ROBO1: variants seen among roughly 807,000 people sequenced by gnomAD.
ROBO1 encodes the protein roundabout homolog 1.
Under a neutral mutation model 195.9 loss-of-function variants are expected in ROBO1, and 149 were observed. That is an observed-to-expected ratio of 0.76 (90% CI 0.67 to 0.87). ROBO1 has a LOEUF of 0.87. Among genes scored for constraint, ROBO1 ranks in the 40% least tolerant of loss-of-function variants. The pLI is 0.00. For synonymous variants in ROBO1, 816 were observed against 733.2 expected, an observed-to-expected ratio of 1.11 and a Z score of -1.82; for missense variants, 1,933 against 2,068.3, an observed-to-expected ratio of 0.93 and a Z score of 1.27.
intron 4 of ROBO1, among the ~76,000 whole-genome samples, chr3:78,928,114 CTAAA>C (rs1419789455): frequency 6.6e-6 from 1 of 152,114 alleles, no homozygotes. Context: ...CACACAGAGA[CTAAA>C]TAATTTCAGC....
chr3:79,033,659 G>A (rs2078333581), intron 3 of ROBO1, among the ~76,000 whole-genome samples: 1 of 152,098 alleles, frequency 6.6e-6, no homozygotes, highest in African/African-American at 2.4e-5. Context: ...TTTATCATTA[G>A]GGTGGCCTTG....
At chr3:78,669,625 T>C (rs574407137) in intron 11 of ROBO1, among the ~76,000 whole-genome samples, 1 of 152,374 alleles carries the variant, frequency 6.6e-6, no homozygotes, top group East Asian at 1.9e-4. Context: ...ATTTGAATTG[T>C]ACACTCGGTG....
At chr3:78,659,037 T>G (rs923039098) in intron 17 of ROBO1, among the ~76,000 whole-genome samples, 1 of 152,224 alleles carries the variant, frequency 6.6e-6, no homozygotes, top group Non-Finnish European at 1.5e-5. Context: ...GCTTGAGAGC[T>G]GAGACATCAC....
rs766176682 is a variant in ROBO1 at position 78,717,735 on chromosome 3, T to C, written c.778+28A>G. 8 of 1,606,298 alleles carry C rather than the reference T, an allele frequency of 5.0e-6. No individual in the cohort carries two copies. In the South Asian group the frequency reaches 7.8e-5, roughly 16 times the overall value. ...AAATGATAAGAGATCTATTTTTCAA[T>C]GAGAAGATTAAATAAAATTACACTT... is the stretch of plus-strand genomic sequence containing the variant. On this transcript the variant is annotated intron_variant, in intron 6 of 30. Transcript: ENST00000464233.
chr3:79,543,563 A>G (rs1942155595), intron 2 of ROBO1, among the ~76,000 whole-genome samples: 1 of 152,102 alleles, frequency 6.6e-6, no homozygotes, highest in Admixed American at 6.6e-5. Flanking sequence ...AAATTTTCTC[A>G]TATTTTTAAC....
At chr3:79,006,900 A>C (rs538753656) in intron 3 of ROBO1, among the ~76,000 whole-genome samples, 445 of 152,298 alleles carry the variant, frequency 2.9e-3, no homozygotes, top group Non-Finnish European at 5.0e-3. Context: ...CTCCTGATCC[A>C]GAAAAGTAGG....
intron 4 of ROBO1, among the ~76,000 whole-genome samples, chr3:78,890,120 AT>A (rs2036804544): frequency 6.6e-6 from 1 of 152,100 alleles, no homozygotes; most frequent in African/African-American, 2.4e-5. Flanking sequence ...CCATTACAGT[AT>A]AAGATTTGTA....
intron 3 of ROBO1, among the ~76,000 whole-genome samples, chr3:79,042,385 A>G (rs2078503980): frequency 6.6e-6 from 1 of 152,172 alleles, no homozygotes; most frequent in South Asian, 2.1e-4. Flanking sequence ...GAAGAAGCTG[A>G]GAGTCAGAAA....
intron 4 of ROBO1, among the ~76,000 whole-genome samples, chr3:78,786,376 T>C (rs2083834786): frequency 6.6e-6 from 1 of 152,218 alleles, no homozygotes; most frequent in African/African-American, 2.4e-5. Flanking sequence ...CTTGACACTC[T>C]TTTAAAATCA....
intron 28 of ROBO1, among the ~76,000 whole-genome samples, chr3:78,608,163 G>A (rs114717081): frequency 0.089 from 13,494 of 151,950 alleles, 664 homozygotes; most frequent in African/African-American, 0.11. Context: ...TGCCTAGGCT[G>A]GAGTGCAGTG....
At chr3:78,686,034 T>C in intron 9 of ROBO1, 117 bp from the exon 10 acceptor site, 1 of 790,604 alleles carries the variant, frequency 1.3e-6, no homozygotes, top group Non-Finnish European at 2.0e-6. Flanking sequence ...TTCATACACA[T>C]ATGCATATGT....
chr3:79,263,631 A>G (rs1323482764), intron 2 of ROBO1, among the ~76,000 whole-genome samples: 1 of 151,990 alleles, frequency 6.6e-6, no homozygotes, highest in Non-Finnish European at 1.5e-5. Context: ...GACAGAGTGA[A>G]ACCCTGTCCA....
intron 3 of ROBO1, among the ~76,000 whole-genome samples, chr3:79,045,292 T>C (rs2078569980): frequency 6.6e-6 from 1 of 152,102 alleles, no homozygotes; most frequent in African/African-American, 2.4e-5. Context: ...TGCGAATGTA[T>C]TTTTAGCACG....
intron 4 of ROBO1, among the ~76,000 whole-genome samples, chr3:78,760,138 G>A (rs994635979): frequency 1.3e-5 from 2 of 151,970 alleles, no homozygotes; most frequent in Non-Finnish European, 2.9e-5. Flanking sequence ...CCTCTTTTCC[G>A]CCGCTATGTG....
At chr3:79,210,456 C>T (rs1459289175) in intron 2 of ROBO1, among the ~76,000 whole-genome samples, 1 of 152,126 alleles carries the variant, frequency 6.6e-6, no homozygotes, top group Non-Finnish European at 1.5e-5. Context: ...AGATAACTGG[C>T]AAGCCATATA....
At chr3:79,177,998 T>A (rs2081284501) in intron 2 of ROBO1, among the ~76,000 whole-genome samples, 1 of 152,346 alleles carries the variant, frequency 6.6e-6, no homozygotes, top group South Asian at 2.1e-4. Context: ...CTCTTTTACC[T>A]GCAAAGGTGA....
rs182324670 is a variant in ROBO1, at chr3:79,496,327, G to T, written c.88+93497C>A. Among the ~76,000 whole-genome samples, 155 of 146,620 alleles carry T rather than the reference G, an allele frequency of 1.1e-3. 1 individual carries two copies. The highest frequency in any genetic ancestry group is 3.8e-3 in the African/African-American group (149 of 39,472). On this transcript the variant is annotated intron_variant, in intron 2 of 30. Coordinates refer to ENST00000464233, the MANE Select transcript of ROBO1 (RefSeq NM_002941.4). ...CGATAGTTTATCTGGATTGTGATTT[G>T]ACAATAAAAAAAAACAAATCTTTGC...
At chr3:78,779,491 C>A (rs1028470639) in intron 4 of ROBO1, among the ~76,000 whole-genome samples, 4 of 152,052 alleles carry the variant, frequency 2.6e-5, no homozygotes, top group Non-Finnish European at 5.9e-5. Context: ...ATGCAGCCAA[C>A]AAACATATGA....
At chr3:79,417,921 T>A (rs911025925) in intron 2 of ROBO1, among the ~76,000 whole-genome samples, 2 of 152,178 alleles carry the variant, frequency 1.3e-5, no homozygotes, top group African/African-American at 4.8e-5. Context: ...GTTATAGTTC[T>A]GGTTTTAGAA....
Sources: allele counts gnomAD v4.1 joint callset (sites outside exome capture counted in the v4.1 genomes callset), GRCh38; gene constraint gnomAD v4.1.1; transcripts MANE v1.5; gene names NCBI Gene and HGNC (gene_info 2026-07-23, HGNC 2026-07-21).